Variants in WDR47 observed in about 807,000 individuals in gnomAD.
WDR47 encodes WD repeat-containing protein 47.
A neutral mutation model predicts 97.2 loss-of-function variants in WDR47; 32 were observed. That is an observed-to-expected ratio of 0.33 (90% confidence interval 0.25 to 0.44). The LOEUF (loss-of-function observed/expected upper bound fraction) is 0.44. Ranked by LOEUF, WDR47 falls within the 20% of genes least tolerant of loss-of-function variation. WDR47 has a pLI of 1.00. For missense variants in WDR47, 782 were observed against 1,102.3 expected (o/e 0.71, Z 4.11); for synonymous variants, 375 against 373.5 (o/e 1.00, Z -0.05).
chr1:108,984,109 G>C (rs761429040), intron 10 of WDR47, among the ~76,000 whole-genome samples: 2 of 152,198 alleles, frequency 1.3e-5, no homozygotes, highest in African/African-American at 2.4e-5. Flanking sequence ...GGGGCTAGCA[G>C]TGAAAAGCAT....
intron 1 of WDR47, among the ~76,000 whole-genome samples, chr1:109,036,602 C>T (rs762843896): frequency 1.1e-4 from 16 of 150,906 alleles, no homozygotes; most frequent in Non-Finnish European, 1.9e-4. Context: ...TTTGGAAGGC[C>T]GAGGCAAGCG....
intron 12 of WDR47, among the ~76,000 whole-genome samples, chr1:108,982,311 T>C (rs937728536): frequency 4.6e-5 from 7 of 151,684 alleles, no homozygotes; most frequent in Non-Finnish European, 8.8e-5. Flanking sequence ...GACAGGATGA[T>C]TGCTTGAGCC....
At position 109,017,601 on chromosome 1, in the gene WDR47, C is replaced by T. The variant is rs1462299915; in HGVS notation, c.159G>A (p.Arg53=). 2 of 1,604,600 alleles carry T rather than the reference C, an allele frequency of 1.2e-6. No individual in the cohort carries two copies. The highest frequency in any genetic ancestry group is 1.1e-5 in the South Asian group (1 of 88,942). ...GLFSDDMLFL[R]QLILDGQWDE... ...CCCATTGACCATCAAGTATTAGCTG[C>T]CTAAATAAAAAATTTAAAAAAACCA... Residue 53 remains arginine, a splice_region_variant and synonymous_variant, in exon 3 of 15, where the codon AGG becomes AGA. Transcript: ENST00000369962.
chr1:108,992,244 A>G, intron 8 of WDR47: 2 of 896,672 alleles, frequency 2.2e-6, no homozygotes, highest in Non-Finnish European at 3.8e-6. Context: ...GATGGTAGAA[A>G]AAAGTAAATC....
At chr1:109,023,310 T>G in intron 2 of WDR47, 45 bp downstream of exon 2, 1 of 1,582,056 alleles carries the variant, frequency 6.3e-7, no homozygotes, top group Non-Finnish European at 8.6e-7. Flanking sequence ...ATACTTAACA[T>G]TTCTTCGAAG....
At chr1:108,993,693 T>A (rs550509301) in intron 8 of WDR47, among the ~76,000 whole-genome samples, 2 of 151,964 alleles carry the variant, frequency 1.3e-5, no homozygotes, top group Non-Finnish European at 2.9e-5. Flanking sequence ...GAAGCAGGAG[T>A]GATCCTGGAG....
chr1:108,992,905 A>C, intron 8 of WDR47: 2 of 1,086,942 alleles, frequency 1.8e-6, no homozygotes, highest in Non-Finnish European at 2.7e-6. Context: ...AGAGGTGAGG[A>C]AATTGCTAAA....
chr1:108,975,240 T>C (rs1657791664), intron 13 of WDR47, among the ~76,000 whole-genome samples: 1 of 152,112 alleles, frequency 6.6e-6, no homozygotes, highest in African/African-American at 2.4e-5. Flanking sequence ...CTTGGGGGCA[T>C]ATATTCAGGG....
intron 9 of WDR47, 32 bp from the exon 10 acceptor site, chr1:108,986,712 T>TA: frequency 4.0e-6 from 6 of 1,481,728 alleles, no homozygotes; most frequent in Non-Finnish European, 5.5e-6. Context: ...GTTATCCTAT[T>TA]AAAAAAATGA....
intron 3 of WDR47, among the ~76,000 whole-genome samples, chr1:109,016,681 C>T (rs917442000): frequency 1.3e-5 from 2 of 152,016 alleles, no homozygotes; most frequent in African/African-American, 4.8e-5. Flanking sequence ...AGTTAAATAA[C>T]TGCCTGTATG....
At position 109,030,090 on chromosome 1, in the gene WDR47, C is replaced by T. The variant is rs746778573; in HGVS notation, c.-9-6569G>A. 5 of 869,142 alleles carry T rather than the reference C, an allele frequency of 5.8e-6. No homozygotes were observed. In the South Asian group the frequency reaches 1.1e-4, roughly 20 times the overall value. 53.8% of individuals were successfully genotyped at this position (869,142 alleles called of 1,614,324 possible). ...CATGCCTCTCGCAAAAGATCTCCTT[C>T]ATCCCTCCCCAGAAGAAGAGAAGAA... On this transcript the variant is annotated intron_variant, in intron 1 of 14. Coordinates refer to ENST00000369962, the MANE Select transcript of WDR47 (RefSeq NM_001142551.2).
At chr1:109,036,176 T>C (rs1407862831) in intron 1 of WDR47, among the ~76,000 whole-genome samples, 1 of 152,160 alleles carries the variant, frequency 6.6e-6, no homozygotes, top group Non-Finnish European at 1.5e-5. Flanking sequence ...ACATTCATTG[T>C]CTAATCGATC....
At chr1:109,013,994 T>A in intron 3 of WDR47, 69 bp from the exon 4 acceptor site, 1 of 1,170,508 alleles carries the variant, frequency 8.5e-7, no homozygotes, top group Non-Finnish European at 1.2e-6. Context: ...AGTTACTATG[T>A]AAGTACTTTT....
At chr1:108,981,051 C>T (rs1007955980) in intron 13 of WDR47, among the ~76,000 whole-genome samples, 12 of 151,466 alleles carry the variant, frequency 7.9e-5, no homozygotes, top group African/African-American at 2.7e-4. Flanking sequence ...TGGTGTGAAC[C>T]CAGGAGGCAG....
rs768338875 is a variant in WDR47, at chr1:109,023,564, T to C, written c.-9-43A>G. On this transcript the variant is annotated intron_variant, in intron 1 of 14. Coordinates refer to ENST00000369962, the MANE Select transcript of WDR47 (RefSeq NM_001142551.2). ...AAACAATAAAGCTAGTCCTATTGAT[T>C]TATTTCTAAGTTTAACTGCCTGGCA... The C allele has an allele frequency of 3.3e-5, 52 of 1,570,332 alleles. No homozygotes were observed. In the Middle Eastern group the frequency reaches 1.7e-3, roughly 52 times the overall value.
At chr1:109,030,325 C>T (rs1298284434) in intron 1 of WDR47, 4 of 933,760 alleles carry the variant, frequency 4.3e-6, no homozygotes, top group Non-Finnish European at 6.4e-6. Context: ...ACTAAAAGCA[C>T]TCTGAATCAA....
intron 2 of WDR47, among the ~76,000 whole-genome samples, chr1:109,019,624 A>AT (rs1208508260): frequency 4.3e-4 from 65 of 152,156 alleles, no homozygotes; most frequent in Admixed American, 2.2e-3. Context: ...ACAAAGGACA[A>AT]CCCTCCACAA....
chr1:109,008,059 G>A (rs1197462491), intron 5 of WDR47, among the ~76,000 whole-genome samples: 2 of 151,236 alleles, frequency 1.3e-5, no homozygotes, highest in Non-Finnish European at 2.9e-5. Context: ...CCGAGATCAC[G>A]CCACTGCACT....
intron 1 of WDR47, among the ~76,000 whole-genome samples, chr1:109,037,286 G>A (rs1166831090): frequency 2.7e-5 from 4 of 149,310 alleles, no homozygotes; most frequent in African/African-American, 2.5e-5. Flanking sequence ...CCGACATCAC[G>A]CCATCACACT....
Sources: gnomAD v4.1 joint callset for allele counts (sites outside exome capture counted in the v4.1 genomes callset) on GRCh38, gnomAD v4.1.1 for gene constraint, MANE v1.5 for transcripts, NCBI Gene and HGNC (gene_info 2026-07-23, HGNC 2026-07-21) for gene names.